The following QKI variants were observed in gnomAD, a reference collection of about 807,000 sequenced individuals.
The protein encoded by QKI is KH domain-containing RNA-binding protein QKI.
In QKI, 10 loss-of-function variants were observed where a neutral mutation model predicts 39.0. The ratio of observed to expected loss-of-function variants is 0.26; its 90% CI spans 0.16 to 0.43. The LOEUF (loss-of-function observed/expected upper bound fraction) is 0.43. Among genes scored for constraint, QKI ranks in the 20% least tolerant of loss-of-function variants. The pLI, the probability that QKI is intolerant of heterozygous loss-of-function variation, is 1.00. For synonymous variants in QKI, 204 were observed against 155.4 expected (o/e 1.31, Z -2.33); for missense variants, 218 against 428.0 (o/e 0.51, Z 4.33).
At position 163,443,971 on chromosome 6, in the gene QKI, G is replaced by A. The variant is rs553233876; in HGVS notation, c.143-11308G>A. Among the ~76,000 whole-genome samples the A allele has an allele frequency of 1.0e-3, 156 of 152,298 alleles. 1 individual carries two copies. Among genetic ancestry groups the A allele is most frequent in the Admixed American group, 3.2e-3 (49 of 15,300 alleles). On this transcript the variant is annotated intron_variant, in intron 1 of 7. Coordinates refer to ENST00000361752, the MANE Select transcript of QKI (RefSeq NM_006775.3). The stretch of plus-strand genomic sequence containing the variant: ...AAGGGATTTGGAGCTTCAAGAGGGC[G>A]AAATACATAGGTACAGACCTTTCCC...
At chr6:163,426,944 A>C (rs936706518) in intron 1 of QKI, among the ~76,000 whole-genome samples, 1 of 152,122 alleles carries the variant, frequency 6.6e-6, no homozygotes, top group South Asian at 2.1e-4. Context: ...AATTATTACA[A>C]CTTTAGCCAT....
rs190531194 is a variant in QKI at position 163,530,793 on chromosome 6, A to G, written c.403-4189A>G. ...GAGGTGCTTTTAGTGTTTACTTTCA[A>G]TTGCTACATTGTTTGATTTTGAAGT... On this transcript the variant is annotated intron_variant, in intron 3 of 7. Transcript: ENST00000361752. 2.8e-4 allele frequency among the ~76,000 whole-genome samples: 43 copies of G among 152,158 alleles called. No homozygotes were observed. In the East Asian group the frequency reaches 5.2e-3, roughly 18 times the overall value.
intron 3 of QKI, among the ~76,000 whole-genome samples, chr6:163,511,346 TA>T (rs1252753964): frequency 6.6e-6 from 1 of 151,618 alleles, no homozygotes; most frequent in African/African-American, 2.4e-5. Flanking sequence ...CAAGGTAATG[TA>T]AAAAAAGGAA....
chr6:163,552,206 CTTTTTTTTTTTTT>C (rs35060699), intron 4 of QKI, among the ~76,000 whole-genome samples: 6 of 101,770 alleles, frequency 5.9e-5, no homozygotes, highest in African/African-American at 1.9e-4. Flanking sequence ...TTCGTTCGTT[CTTTTTTTTTTTTT>C]TTTTTTTTTG....
chr6:163,575,791 C>CAT lies in QKI; in HGVS notation c.*5089_*5090dup, dbSNP rs755274186. On this transcript the variant is annotated 3_prime_UTR_variant, in exon 8 of 8. Transcript: ENST00000361752. ...TGCTCACTACCAAATCAAGACTCTT[C>CAT]ATATATATACGTGTGTGTATATATA... is the stretch of plus-strand genomic sequence containing the variant. 1.3e-5 allele frequency: 2 copies of CAT among 150,970 alleles called. No individual in the cohort carries two copies. The highest frequency in any genetic ancestry group is 1.9e-4 in the East Asian group (1 of 5,164). 9.4% of individuals were successfully genotyped at this position (150,970 alleles called of 1,614,324 possible). A position where few individuals can be genotyped will look rare whatever the true frequency, so the allele number is the denominator to read the frequency against.
At chr6:163,519,602 A>C (rs1193698504) in intron 3 of QKI, among the ~76,000 whole-genome samples, 3 of 151,824 alleles carry the variant, frequency 2.0e-5, no homozygotes, top group Admixed American at 2.0e-4. Flanking sequence ...CTTACTAGAT[A>C]TTAAAAGTAT....
At chr6:163,443,927 A>C (rs889656907) in intron 1 of QKI, among the ~76,000 whole-genome samples, 2 of 152,206 alleles carry the variant, frequency 1.3e-5, no homozygotes, top group African/African-American at 4.8e-5. Context: ...CTGATTTACC[A>C]AATTCCTTTT....
chr6:163,520,155 A>G (rs970374720), intron 3 of QKI, among the ~76,000 whole-genome samples: 3 of 152,182 alleles, frequency 2.0e-5, no homozygotes, highest in Admixed American at 6.5e-5. Context: ...AAACTTGAAC[A>G]TACTTGAAAT....
rs567982173 is a variant in QKI at position 163,466,677 on chromosome 6, A to G, written c.285+11256A>G. Among the ~76,000 whole-genome samples the G allele has an allele frequency of 8.5e-5, 13 of 152,342 alleles. No individual in the cohort carries two copies. In the South Asian group the frequency reaches 2.5e-3, roughly 29 times the overall value. On this transcript the variant is annotated intron_variant, in intron 2 of 7. Transcript: ENST00000361752. ...TGGGAAAACTGGATATTGACATTCC[A>G]AAGATGAAAGTGGACCCTTACTTAC...
At chr6:163,478,315 GA>G (rs2128225301) in intron 2 of QKI, among the ~76,000 whole-genome samples, 1 of 152,292 alleles carries the variant, frequency 6.6e-6, no homozygotes, top group South Asian at 2.1e-4. Flanking sequence ...TTGCTTTGGA[GA>G]AAGTATAATT....
Position 163,563,430 on chromosome 6 carries a change from C to G in QKI, c.645C>G (p.Ala215=), listed in dbSNP as rs1222507345. Reference sequence around the variant, plus strand: ...CTTTGCTTACTGTAGCAGCCCTTGCCTTTTCTCTTGCAGCAACAGCCCAGG... The same window carrying G: ...CTTTGCTTACTGTAGCAGCCCTTGCGTTTTCTCTTGCAGCAACAGCCCAGG... The part of the protein sequence containing the change: ...RDANIKSPAL[A]FSLAATAQAA... The change falls in exon 6 of 8, where the codon GCC becomes GCG. Residue 215 remains alanine (A), a synonymous_variant. Coordinates refer to ENST00000361752, the MANE Select transcript of QKI (RefSeq NM_006775.3). 62 of 1,606,380 alleles carry G rather than the reference C, an allele frequency of 3.9e-5. No homozygotes were observed. The highest frequency in any genetic ancestry group is 4.8e-5 in the Non-Finnish European group (57 of 1,175,432).
intron 4 of QKI, among the ~76,000 whole-genome samples, 190 bp from the exon 5 acceptor site, chr6:163,561,792 C>G (rs1783032506): frequency 6.6e-6 from 1 of 152,096 alleles, no homozygotes; most frequent in Non-Finnish European, 1.5e-5. Context: ...TATCAACATG[C>G]CTTTACTGAG....
intron 1 of QKI, among the ~76,000 whole-genome samples, chr6:163,430,377 G>A (rs1788728928): frequency 6.6e-6 from 1 of 152,032 alleles, no homozygotes; most frequent in South Asian, 2.1e-4. Context: ...TGGAGAAGAG[G>A]GGTATCTTAC....
At chr6:163,416,013 A>G in intron 1 of QKI, 1 of 397,304 alleles carries the variant, frequency 2.5e-6, no homozygotes, top group Non-Finnish European at 4.9e-6. Flanking sequence ...TTGTTTGGGG[A>G]AGCGAGAACT....
intron 3 of QKI, among the ~76,000 whole-genome samples, chr6:163,523,123 TCTTA>T (rs140364792): frequency 0.022 from 3,349 of 152,272 alleles, 118 homozygotes; most frequent in African/African-American, 0.076. Flanking sequence ...TCAGCATAAT[TCTTA>T]CTTTGCTTGT....
intron 6 of QKI, chr6:163,564,396 C>T (rs776578832): frequency 1.7e-5 from 22 of 1,304,596 alleles, no homozygotes; most frequent in Non-Finnish European, 2.0e-5. Context: ...ATAAGTGGTC[C>T]GTTGTTGACC....
At chr6:163,448,747 T>C (rs915987273) in intron 1 of QKI, among the ~76,000 whole-genome samples, 2 of 151,802 alleles carry the variant, frequency 1.3e-5, no homozygotes, top group African/African-American at 4.8e-5. Flanking sequence ...CAAAAATAAA[T>C]AAGTAAATAA....
chr6:163,565,322 T>C (rs947562649), intron 6 of QKI: 16 of 986,372 alleles, frequency 1.6e-5, no homozygotes, highest in Middle Eastern at 5.2e-4. Context: ...CGAGGAGTTA[T>C]GACTCTTGAC....
intron 1 of QKI, among the ~76,000 whole-genome samples, chr6:163,452,117 AAG>A (rs1790609330): frequency 6.6e-6 from 1 of 152,226 alleles, no homozygotes; most frequent in Non-Finnish European, 1.5e-5. Flanking sequence ...GGTTGTAAGA[AAG>A]AGACTTGTCT....
Sources: gnomAD v4.1 joint callset for allele counts (sites outside exome capture counted in the v4.1 genomes callset) on GRCh38, gnomAD v4.1.1 for gene constraint, MANE v1.5 for transcripts, NCBI Gene and HGNC (gene_info 2026-07-23, HGNC 2026-07-21) for gene names.